The following NSMCE2 variants were observed in gnomAD, a reference collection of about 807,000 sequenced individuals.
NSMCE2 encodes the protein E3 SUMO-protein ligase NSE2.
NSMCE2 carries 24 observed loss-of-function variants against 23.8 expected under a neutral mutation model. The observed-to-expected ratio is 1.01, with a 90% CI of 0.73 to 1.42. NSMCE2 has a LOEUF of 1.42. Among genes scored for constraint, NSMCE2 ranks in the 40% most tolerant of loss-of-function variants. The pLI is 0.00. For missense variants in NSMCE2, 284 were observed against 296.5 expected (o/e 0.96, Z 0.31); for synonymous variants, 92 against 94.1 (o/e 0.98, Z 0.13).
chr8:125,166,193 AAAT>A (rs1821867766), intron 4 of NSMCE2, among the ~76,000 whole-genome samples: 1 of 152,170 alleles, frequency 6.6e-6, no homozygotes. Context: ...GGATTTGAAA[AAAT>A]GTTACGATCT....
chr8:125,252,697 G>A (rs1826247910), intron 5 of NSMCE2, among the ~76,000 whole-genome samples: 1 of 152,190 alleles, frequency 6.6e-6, no homozygotes, highest in Non-Finnish European at 1.5e-5. Context: ...ATTTTAATCT[G>A]GTAGTTGATG....
intron 1 of NSMCE2, among the ~76,000 whole-genome samples, chr8:125,100,949 G>C (rs1255818922): frequency 6.6e-6 from 1 of 152,184 alleles, no homozygotes; most frequent in Non-Finnish European, 1.5e-5. Context: ...TCTTTAAAAG[G>C]AGAGTGTCTT....
At chr8:125,328,509 A>G (rs948984031) in intron 5 of NSMCE2, among the ~76,000 whole-genome samples, 1 of 152,232 alleles carries the variant, frequency 6.6e-6, no homozygotes, top group African/African-American at 2.4e-5. Context: ...TCACTGGAGT[A>G]GATCTGGACA....
intron 5 of NSMCE2, among the ~76,000 whole-genome samples, chr8:125,353,374 TCTC>T (rs1171463596): frequency 2.0e-5 from 3 of 152,172 alleles, no homozygotes; most frequent in Non-Finnish European, 2.9e-5. Flanking sequence ...CTCCTAGCCT[TCTC>T]CTTGGCTTTT....
chr8:125,101,658 T>A (rs1205233743), intron 1 of NSMCE2, among the ~76,000 whole-genome samples: 1 of 152,206 alleles, frequency 6.6e-6, no homozygotes. Flanking sequence ...TTTACTAAGC[T>A]GAAACAAATT....
chr8:125,202,148 A>G (rs1823911653), intron 5 of NSMCE2, among the ~76,000 whole-genome samples: 1 of 152,198 alleles, frequency 6.6e-6, no homozygotes, highest in Non-Finnish European at 1.5e-5. Context: ...GGAAAGGGAA[A>G]TCCTCTGGCC....
At chr8:125,243,352 C>T (rs926933003) in intron 5 of NSMCE2, among the ~76,000 whole-genome samples, 2 of 151,996 alleles carry the variant, frequency 1.3e-5, no homozygotes, top group African/African-American at 2.4e-5. Flanking sequence ...TGTGTCATAT[C>T]GAGAAATTTG....
chr8:125,298,548 C>G (rs529531642), intron 5 of NSMCE2, among the ~76,000 whole-genome samples: 1 of 152,130 alleles, frequency 6.6e-6, no homozygotes, highest in African/African-American at 2.4e-5. Context: ...CAGGATAATG[C>G]GGGAAATTTA....
At chr8:125,205,914 A>G (rs190582342) in intron 5 of NSMCE2, among the ~76,000 whole-genome samples, 1 of 152,348 alleles carries the variant, frequency 6.6e-6, no homozygotes, top group East Asian at 1.9e-4. Flanking sequence ...ATGTGTGCCA[A>G]AACTCTTTAA....
At chr8:125,267,112 C>A (rs1314226143) in intron 5 of NSMCE2, among the ~76,000 whole-genome samples, 1 of 141,006 alleles carries the variant, frequency 7.1e-6, no homozygotes, top group African/African-American at 2.6e-5. Flanking sequence ...TCAAGCAATT[C>A]TCTTGCCTCA....
chr8:125,215,656 T>C (rs1265514693), intron 5 of NSMCE2, among the ~76,000 whole-genome samples: 4 of 152,228 alleles, frequency 2.6e-5, no homozygotes, highest in Non-Finnish European at 5.9e-5. Flanking sequence ...TCTAGGGTTT[T>C]TATGGTTTTA....
intron 5 of NSMCE2, among the ~76,000 whole-genome samples, chr8:125,282,315 T>C (rs1021303240): frequency 3.9e-5 from 6 of 152,280 alleles, no homozygotes; most frequent in African/African-American, 9.6e-5. Context: ...GGTTTCACCA[T>C]GTTGGCCAGG....
In NSMCE2 at chr8:125,145,445, C is replaced by T. The variant is rs150787254; in HGVS notation, c.158-5726C>T. ...CTTCTTGCAACAGTTTCTTAATTGACGTATCAGGTGACAGGTCTCACAGAG... is the reference window on the plus strand; with the variant it reads ...CTTCTTGCAACAGTTTCTTAATTGATGTATCAGGTGACAGGTCTCACAGAG... On this transcript the variant is annotated intron_variant, in intron 3 of 7. Transcript: ENST00000287437. Among the ~76,000 whole-genome samples the T allele has an allele frequency of 1.5e-4, 23 of 152,198 alleles. No homozygotes were observed. In the East Asian group the frequency reaches 3.9e-3, roughly 26 times the overall value.
intron 5 of NSMCE2, among the ~76,000 whole-genome samples, chr8:125,330,270 G>A (rs1351871072): frequency 6.9e-6 from 1 of 144,342 alleles, no homozygotes. Flanking sequence ...TCCATCTCCC[G>A]GTTCGAGCGA....
At chr8:125,301,956 C>A (rs1379384283) in intron 5 of NSMCE2, among the ~76,000 whole-genome samples, 1 of 151,836 alleles carries the variant, frequency 6.6e-6, no homozygotes, top group African/African-American at 2.4e-5. Context: ...AGCCACCGCA[C>A]CTGCCCCAAT....
chr8:125,197,030 C>T (rs1487886724), intron 5 of NSMCE2, among the ~76,000 whole-genome samples: 1 of 151,546 alleles, frequency 6.6e-6, no homozygotes, highest in Non-Finnish European at 1.5e-5. Context: ...TATCCTTTGC[C>T]CACTTTTTAA....
chr8:125,151,369 AATGTT>A, intron 4 of NSMCE2, 92 bp downstream of exon 4: 1 of 651,418 alleles, frequency 1.5e-6, no homozygotes, highest in Non-Finnish European at 2.8e-6. Context: ...TCTAATCTTT[AATGTT>A]TCCTTATCCT....
intron 4 of NSMCE2, among the ~76,000 whole-genome samples, chr8:125,180,661 T>C (rs1489392922): frequency 6.6e-6 from 1 of 152,254 alleles, no homozygotes; most frequent in East Asian, 1.9e-4. Context: ...CTCTGACTAG[T>C]TGGATGTAGA....
intron 5 of NSMCE2, among the ~76,000 whole-genome samples, chr8:125,254,801 G>A (rs1023604335): frequency 2.6e-5 from 4 of 152,046 alleles, no homozygotes; most frequent in Non-Finnish European, 5.9e-5. Flanking sequence ...AGTTTGGTCC[G>A]GGAATGAATC....
Sources: allele counts gnomAD v4.1 joint callset (sites outside exome capture counted in the v4.1 genomes callset), GRCh38; gene constraint gnomAD v4.1.1; transcripts MANE v1.5; gene names NCBI Gene and HGNC (gene_info 2026-07-23, HGNC 2026-07-21).